Variants in EPHA6 observed in about 807,000 individuals in gnomAD.
EPHA6 encodes EPH receptor A6.
A neutral mutation model predicts 112.0 loss-of-function variants in EPHA6; 50 were observed. That is an observed-to-expected ratio of 0.45 (90% CI 0.36 to 0.56). EPHA6 has a LOEUF of 0.56. Ranked by LOEUF, EPHA6 falls within the 20% of genes least tolerant of loss-of-function variation. EPHA6 has a pLI of 0.00. For missense variants in EPHA6, 1,280 were observed against 1,417.4 expected (o/e 0.90, Z 1.56); for synonymous variants, 529 against 490.7 (o/e 1.08, Z -1.03).
intron 2 of EPHA6, among the ~76,000 whole-genome samples, chr3:96,920,700 A>G (rs1179418261): frequency 6.6e-6 from 1 of 151,982 alleles, no homozygotes; most frequent in African/African-American, 2.4e-5. Context: ...TATACATTTT[A>G]GGATGTATAT....
intron 6 of EPHA6, among the ~76,000 whole-genome samples, chr3:97,427,315 G>T (rs1453492871): frequency 1.3e-5 from 2 of 152,036 alleles, no homozygotes; most frequent in Non-Finnish European, 2.9e-5. Flanking sequence ...GGTAGAGTCA[G>T]TAAAAAATTA....
intron 6 of EPHA6, among the ~76,000 whole-genome samples, chr3:97,408,691 G>T (rs1430894851): frequency 6.6e-6 from 1 of 151,974 alleles, no homozygotes; most frequent in African/African-American, 2.4e-5. Flanking sequence ...CATGGCAGAA[G>T]GGTATGGGAG....
chr3:96,861,316 C>T (rs1221931884), intron 1 of EPHA6, among the ~76,000 whole-genome samples: 2 of 152,048 alleles, frequency 1.3e-5, no homozygotes, highest in African/African-American at 4.8e-5. Flanking sequence ...TAATAGCAAA[C>T]TGCTTCACTT....
chr3:97,627,970 C>T (rs556700268), intron 13 of EPHA6, among the ~76,000 whole-genome samples: 3 of 151,832 alleles, frequency 2.0e-5, no homozygotes, highest in Non-Finnish European at 2.9e-5. Context: ...GAAATGAGGC[C>T]TAGTAGGCCA....
chr3:97,737,694 G>A (rs567790619), intron 16 of EPHA6, among the ~76,000 whole-genome samples: 2 of 152,120 alleles, frequency 1.3e-5, no homozygotes, highest in African/African-American at 4.8e-5. Context: ...ATATTTATAG[G>A]TTGAACCTCA....
chr3:97,560,142 T>A (rs2093168920), intron 11 of EPHA6, among the ~76,000 whole-genome samples: 1 of 151,756 alleles, frequency 6.6e-6, no homozygotes. Context: ...TCTGTTTTCC[T>A]GAAATCATGA....
At chr3:97,251,014 CA>C (rs2079121448) in intron 5 of EPHA6, among the ~76,000 whole-genome samples, 1 of 151,734 alleles carries the variant, frequency 6.6e-6, no homozygotes, top group South Asian at 2.1e-4. Context: ...TACAGGTGCC[CA>C]CCACCATGCC....
At chr3:96,875,313 A>G (rs1044329284) in intron 2 of EPHA6, among the ~76,000 whole-genome samples, 8 of 152,080 alleles carry the variant, frequency 5.3e-5, no homozygotes, top group African/African-American at 1.9e-4. Context: ...GTGCAGAGAA[A>G]CAGGTGAAGG....
intron 5 of EPHA6, among the ~76,000 whole-genome samples, chr3:97,245,844 C>A (rs1429280325): frequency 6.6e-6 from 1 of 151,778 alleles, no homozygotes; most frequent in African/African-American, 2.4e-5. Flanking sequence ...TGATAAATGT[C>A]ATGCACACAC....
At chr3:97,020,555 C>A (rs2107977733) in intron 3 of EPHA6, among the ~76,000 whole-genome samples, 1 of 152,172 alleles carries the variant, frequency 6.6e-6, no homozygotes, top group South Asian at 2.1e-4. Context: ...AAGAACAGAA[C>A]ACTAAGAATT....
At chr3:97,126,776 C>G (rs1234447532) in intron 3 of EPHA6, among the ~76,000 whole-genome samples, 2 of 150,524 alleles carry the variant, frequency 1.3e-5, no homozygotes, top group Non-Finnish European at 3.0e-5. Context: ...TCCATTTGAA[C>G]TAAAACTAGC....
At chr3:97,225,742 A>T (rs2078335846) in intron 3 of EPHA6, among the ~76,000 whole-genome samples, 1 of 152,202 alleles carries the variant, frequency 6.6e-6, no homozygotes, top group South Asian at 2.1e-4. Flanking sequence ...CTATCAAAAA[A>T]TAGAGTTACA....
chr3:97,592,768 C>A, intron 12 of EPHA6, 31 bp downstream of exon 12: 1 of 1,552,526 alleles, frequency 6.4e-7, no homozygotes. Flanking sequence ...TTTCTGCCAC[C>A]ATATACAGCA....
In EPHA6 at chr3:97,751,038, A is replaced by G. The variant is rs1196912652; in HGVS notation, c.*2337A>G. Among the ~76,000 whole-genome samples the G allele has an allele frequency of 6.6e-6, 1 of 152,140 alleles. No individual in the cohort carries two copies. The highest frequency in any genetic ancestry group is 2.4e-5 in the African/African-American group (1 of 41,444). The stretch of plus-strand genomic sequence containing the variant: ...ATTTACCTATCTTCAAATATATATT[A>G]AATAAGAACAGATATAAAACAGATT... On this transcript the variant is annotated 3_prime_UTR_variant, in exon 18 of 18. Coordinates refer to ENST00000389672, the MANE Select transcript of EPHA6 (RefSeq NM_001080448.3).
At chr3:96,941,844 C>G (rs896124185) in intron 2 of EPHA6, among the ~76,000 whole-genome samples, 1 of 152,100 alleles carries the variant, frequency 6.6e-6, no homozygotes, top group South Asian at 2.1e-4. Flanking sequence ...CAGGTCTGTT[C>G]GAGTTTGCTA....
intron 3 of EPHA6, among the ~76,000 whole-genome samples, chr3:97,161,200 G>C (rs913270298): frequency 3.3e-5 from 5 of 152,122 alleles, no homozygotes; most frequent in Non-Finnish European, 7.4e-5. Context: ...GGTGGCCTGT[G>C]TTTAAGTGTT....
chr3:97,292,648 A>G (rs2080729194), intron 5 of EPHA6, among the ~76,000 whole-genome samples: 1 of 152,160 alleles, frequency 6.6e-6, no homozygotes, highest in Non-Finnish European at 1.5e-5. Flanking sequence ...TGTGGTGGGT[A>G]GCTCCTTTTC....
chr3:97,495,388 T>C (rs1268164522), intron 10 of EPHA6, among the ~76,000 whole-genome samples: 1 of 151,596 alleles, frequency 6.6e-6, no homozygotes, highest in Non-Finnish European at 1.5e-5. Flanking sequence ...AGGTAAAGAA[T>C]GTATATTCTA....
intron 3 of EPHA6, among the ~76,000 whole-genome samples, chr3:97,165,122 GA>G (rs2076509259): frequency 6.6e-6 from 1 of 152,086 alleles, no homozygotes; most frequent in Non-Finnish European, 1.5e-5. Flanking sequence ...ACTTTATTGT[GA>G]GTTAAAATGT....
Sources: allele counts gnomAD v4.1 joint callset (sites outside exome capture counted in the v4.1 genomes callset), GRCh38; gene constraint gnomAD v4.1.1; transcripts MANE v1.5; gene names NCBI Gene and HGNC (gene_info 2026-07-23, HGNC 2026-07-21).